ELOVL6: variants seen among roughly 807,000 people sequenced by gnomAD.
ELOVL6 encodes the protein ELOVL fatty acid elongase 6.
A neutral mutation model predicts 31.7 loss-of-function variants in ELOVL6; 8 were observed. The ratio of observed to expected loss-of-function variants is 0.25; its 90% CI spans 0.15 to 0.45. The LOEUF is 0.45. Among genes scored for constraint, ELOVL6 ranks in the 20% least tolerant of loss-of-function variants. The pLI is 1.00. For missense variants in ELOVL6, 126 were observed against 326.4 expected (o/e 0.39, Z 4.73); for synonymous variants, 101 against 117.7 (o/e 0.86, Z 0.92).
chr4:110,166,562 G>C (rs1291905617), intron 1 of ELOVL6, among the ~76,000 whole-genome samples: 1 of 152,134 alleles, frequency 6.6e-6, no homozygotes, highest in African/African-American at 2.4e-5. Flanking sequence ...TAAATGAGCC[G>C]AGATCGCGCC....
intron 2 of ELOVL6, among the ~76,000 whole-genome samples, chr4:110,068,692 C>A (rs1356437002): frequency 6.6e-6 from 1 of 152,210 alleles, no homozygotes; most frequent in African/African-American, 2.4e-5. Flanking sequence ...ATGTTGGATA[C>A]TGCTCAGCAC....
chr4:110,146,190 C>A (rs557985799), intron 1 of ELOVL6, among the ~76,000 whole-genome samples: 1 of 152,258 alleles, frequency 6.6e-6, no homozygotes, highest in East Asian at 1.9e-4. Context: ...AAGCCACATA[C>A]TTACAGCCAA....
intron 2 of ELOVL6, among the ~76,000 whole-genome samples, chr4:110,076,773 G>A (rs974933709): frequency 1.7e-4 from 26 of 152,172 alleles, no homozygotes; most frequent in Non-Finnish European, 2.4e-4. Context: ...AGTGTGAGCC[G>A]AAGCAGGGCG....
chr4:110,123,602 G>C (rs1429966781), intron 1 of ELOVL6, among the ~76,000 whole-genome samples: 1 of 152,166 alleles, frequency 6.6e-6, no homozygotes, highest in Admixed American at 6.6e-5. Flanking sequence ...GAGGGACAGA[G>C]CACAGTGTTA....
chr4:110,158,056 T>A (rs1390914520), intron 1 of ELOVL6, among the ~76,000 whole-genome samples: 3 of 152,226 alleles, frequency 2.0e-5, no homozygotes, highest in Admixed American at 1.3e-4. Flanking sequence ...TGAAACTGTA[T>A]TTGTCAAGTT....
intron 1 of ELOVL6, among the ~76,000 whole-genome samples, chr4:110,141,724 A>T (rs575027714): frequency 1.2e-3 from 176 of 145,570 alleles, no homozygotes; most frequent in African/African-American, 4.2e-3. Context: ...TATATATACT[A>T]ATTGTATTGT....
intron 1 of ELOVL6, among the ~76,000 whole-genome samples, chr4:110,174,367 T>A (rs1484818105): frequency 6.6e-6 from 1 of 152,162 alleles, no homozygotes; most frequent in East Asian, 1.9e-4. Context: ...GGTTTCACCA[T>A]GTTGGCCAGG....
chr4:110,130,108 G>A (rs1174594062), intron 1 of ELOVL6, among the ~76,000 whole-genome samples: 2 of 151,892 alleles, frequency 1.3e-5, no homozygotes, highest in Admixed American at 6.6e-5. Flanking sequence ...ATGTTGGCCA[G>A]GATGGTCTTG....
intron 1 of ELOVL6, among the ~76,000 whole-genome samples, chr4:110,160,095 T>TACACACACACACACACAAACAC: frequency 6.7e-6 from 1 of 150,178 alleles, no homozygotes; most frequent in Non-Finnish European, 1.5e-5. Flanking sequence ...GCTTACAACT[T>TACACACACACACACACAAACAC]ACACACACAC....
intron 2 of ELOVL6, among the ~76,000 whole-genome samples, chr4:110,069,130 C>CT (rs1436393260): frequency 8.1e-5 from 8 of 99,342 alleles, no homozygotes; most frequent in African/African-American, 4.1e-4. Context: ...ACTCTGTCTC[C>CT]AAATAATAAT....
chr4:110,129,339 C>A (rs934195479), intron 1 of ELOVL6, among the ~76,000 whole-genome samples: 1 of 152,128 alleles, frequency 6.6e-6, no homozygotes, highest in Non-Finnish European at 1.5e-5. Flanking sequence ...CTAAAAAGTC[C>A]TTGAGTCTCT....
chr4:110,061,415 TAA>T (rs1188524376), intron 2 of ELOVL6, among the ~76,000 whole-genome samples: 2 of 152,158 alleles, frequency 1.3e-5, no homozygotes, highest in Admixed American at 6.5e-5. Flanking sequence ...TGGAATGACC[TAA>T]GTCTTTATAG....
In ELOVL6 at chr4:110,051,614, G is replaced by A. The variant is rs759192209; in HGVS notation, c.522C>T (p.His174=). The A allele has an allele frequency of 3.7e-5, 60 of 1,614,092 alleles. No individual in the cohort carries two copies. Among genetic ancestry groups the A allele is most frequent in the Middle Eastern group, 3.3e-4 (2 of 6,084 alleles). The change falls in exon 4 of 4, where the codon CAC becomes CAT. Residue 174 remains histidine (H), a synonymous_variant. Coordinates refer to ENST00000302274, the MANE Select transcript of ELOVL6 (RefSeq NM_024090.3). The surrounding 1 kb of genome is among the most constrained non-coding windows in gnomAD (Gnocchi z 4.8). ...GWFMTMNYGV[H]AVMYSYYALR... is the part of the protein sequence containing the mutation. ...AGGCATAGTAAGAGTACATCACGGCGTGCACGCCATAGTTCATAGTCATGA... is the reference window on the plus strand; with the variant it reads ...AGGCATAGTAAGAGTACATCACGGCATGCACGCCATAGTTCATAGTCATGA...
chr4:110,193,905 G>C (rs1485872391), intron 1 of ELOVL6, among the ~76,000 whole-genome samples: 1 of 152,142 alleles, frequency 6.6e-6, no homozygotes, highest in South Asian at 2.1e-4. Flanking sequence ...CTTTGAAGAC[G>C]TCACCTCACA....
intron 3 of ELOVL6, among the ~76,000 whole-genome samples, chr4:110,053,180 G>A (rs1380111992): frequency 6.6e-6 from 1 of 152,204 alleles, no homozygotes; most frequent in Admixed American, 6.5e-5. Context: ...CTCCTAAAGT[G>A]CTGGGACTAT....
At chr4:110,122,332 C>T (rs879853609) in intron 1 of ELOVL6, among the ~76,000 whole-genome samples, 5 of 152,130 alleles carry the variant, frequency 3.3e-5, no homozygotes, top group Non-Finnish European at 5.9e-5. Context: ...GCTCTACAGA[C>T]TGTAGGAATT....
chr4:110,084,149 A>C (rs2062070464), intron 2 of ELOVL6, among the ~76,000 whole-genome samples: 1 of 84,312 alleles, frequency 1.2e-5, no homozygotes, highest in South Asian at 3.2e-4. Context: ...TATATATGAT[A>C]TATATAACAT....
chr4:110,187,445 GAAAAAAA>G (rs745927007), intron 1 of ELOVL6, among the ~76,000 whole-genome samples: 1 of 128,710 alleles, frequency 7.8e-6, no homozygotes, highest in Non-Finnish European at 1.7e-5. Context: ...TCAGCAAAAT[GAAAAAAA>G]AAAAAAAATT....
At chr4:110,069,707 C>A (rs1400792404) in intron 2 of ELOVL6, among the ~76,000 whole-genome samples, 9 of 152,220 alleles carry the variant, frequency 5.9e-5, no homozygotes, top group African/African-American at 2.2e-4. Flanking sequence ...TACCTGATAG[C>A]TGATCCTGAA....
Sources: allele counts gnomAD v4.1 joint callset (sites outside exome capture counted in the v4.1 genomes callset), GRCh38; gene constraint gnomAD v4.1.1; non-coding constraint Gnocchi (gnomAD v3.1); transcripts MANE v1.5; gene names NCBI Gene and HGNC (gene_info 2026-07-23, HGNC 2026-07-21).